CR1: variants seen among roughly 807,000 people sequenced by gnomAD.
The protein encoded by CR1 is complement receptor type 1.
CR1 carries 116 observed loss-of-function variants against 187.3 expected under a neutral mutation model. The observed-to-expected ratio is 0.62, with a 90% CI of 0.53 to 0.72. The LOEUF is 0.72. Among genes scored for constraint, CR1 ranks in the 30% least tolerant of loss-of-function variants. The pLI, the probability that CR1 is intolerant of heterozygous loss-of-function variation, is 0.00. For missense variants in CR1, 1,731 were observed against 2,110.7 expected (o/e 0.82, Z 3.52); for synonymous variants, 576 against 747.1 (o/e 0.77, Z 3.73).
At chr1:207,496,434 C>T in intron 1 of CR1, 46 bp downstream of exon 1, 1 of 1,551,104 alleles carries the variant, frequency 6.4e-7, no homozygotes, top group Non-Finnish European at 8.7e-7. Context: ...GGACGAGGAA[C>T]CCGGGGCCCC....
At chr1:207,511,013 C>A (rs897204114) in intron 3 of CR1, among the ~76,000 whole-genome samples, 2 of 151,616 alleles carry the variant, frequency 1.3e-5, no homozygotes, top group Admixed American at 1.3e-4. Context: ...GTACAGACAG[C>A]TTCTCACTAT....
intron 45 of CR1, among the ~76,000 whole-genome samples, chr1:207,629,088 G>T (rs962360568): frequency 6.6e-6 from 1 of 152,128 alleles, no homozygotes; most frequent in Admixed American, 6.5e-5. Flanking sequence ...TAGGTCATAA[G>T]ATAGGTCATG....
chr1:207,580,893 A>G (rs1270210822), intron 31 of CR1, among the ~76,000 whole-genome samples: 5 of 152,200 alleles, frequency 3.3e-5, no homozygotes, highest in African/African-American at 1.2e-4. Context: ...AAGAAGTACT[A>G]GAGGAGACTA....
At chr1:207,509,420 G>A (rs1257605335) in intron 3 of CR1, among the ~76,000 whole-genome samples, 1 of 151,360 alleles carries the variant, frequency 6.6e-6, no homozygotes, top group African/African-American at 2.4e-5. Context: ...ACAATAAGTA[G>A]CATGGATTTT....
chr1:207,575,470 G>C, intron 27 of CR1, 125 bp from the exon 28 acceptor site: 3 of 1,184,596 alleles, frequency 2.5e-6, no homozygotes, highest in Admixed American at 3.7e-5. Flanking sequence ...GAAACAATAG[G>C]TAAAGTTTAG....
chr1:207,496,212 C>G lies in CR1; in HGVS notation c.-56C>G. 1 of 1,612,952 alleles carries G rather than the reference C, an allele frequency of 6.2e-7. No homozygotes were observed. Among genetic ancestry groups the G allele is most frequent in the Non-Finnish European group, 8.5e-7 (1 of 1,179,600 alleles). ...CACTCCTATTTTCGCTGAGCTTTTC[C>G]TCTTATTTCAGTTTTCTTCGAGATC... On this transcript the variant is annotated 5_prime_UTR_variant, in exon 1 of 47. Coordinates refer to ENST00000367049, the MANE Select transcript of CR1 (RefSeq NM_000651.6).
intron 33 of CR1, among the ~76,000 whole-genome samples, chr1:207,586,383 G>A (rs1312587571): frequency 6.6e-6 from 1 of 152,140 alleles, no homozygotes; most frequent in Non-Finnish European, 1.5e-5. Flanking sequence ...CAATCCACCT[G>A]CCTTGGCCTC....
chr1:207,588,826 A>T, intron 35 of CR1, 52 bp downstream of exon 35: 1 of 1,276,670 alleles, frequency 7.8e-7, no homozygotes, highest in Non-Finnish European at 1.1e-6. Context: ...AGCAGAGCCA[A>T]CTTCTGACCC....
Position 207,523,600 on chromosome 1 carries a change from C to G in CR1, c.488-11C>G. The G allele has an allele frequency of 6.2e-7, 1 of 1,613,896 alleles. No individual in the cohort carries two copies. The highest frequency in any genetic ancestry group is 8.5e-7 in the Non-Finnish European group (1 of 1,179,888). ...ACTGACTGTTATTTATCCTGCTCTT[C>G]CTTTTTCCAGGAATTCCTTGTGGGC... On this transcript the variant is annotated splice_polypyrimidine_tract_variant and intron_variant, in intron 4 of 46. Transcript: ENST00000367049.
rs778277311 is a variant in CR1, at chr1:207,609,345, T to C, written c.5952T>C (p.Asn1984=). ...TISNGDFYSN[N]RTSFHNGTVV... ...CCAATGGAGACTTCTACAGCAACAA[T>C]AGAACATCTTTTCACAATGGAACGG... Residue 1984 remains asparagine, a synonymous_variant, in exon 37 of 47, where the codon AAT becomes AAC. Transcript: ENST00000367049. The C allele has an allele frequency of 5.6e-6, 9 of 1,613,832 alleles. No homozygotes were observed. The African/African-American group carries it at 6.7e-5, about 12-fold the overall frequency.
At chr1:207,509,936 C>A (rs957511492) in intron 3 of CR1, among the ~76,000 whole-genome samples, 1 of 152,094 alleles carries the variant, frequency 6.6e-6, no homozygotes, top group Admixed American at 6.5e-5. Flanking sequence ...AAAATAAGGC[C>A]GGGTGTGCTG....
chr1:207,589,899 A>G (rs11118133), intron 35 of CR1, among the ~76,000 whole-genome samples: 84 of 152,116 alleles, frequency 5.5e-4, no homozygotes, highest in Admixed American at 5.2e-3. Context: ...GAAATAAAGC[A>G]TGAAGACAAA....
At chr1:207,505,852 A>C (rs549290021) in intron 1 of CR1, 52 bp from the exon 2 acceptor site, 244 of 1,553,212 alleles carry the variant, frequency 1.6e-4, no homozygotes, top group Admixed American at 2.0e-4. Context: ...GAAAAAAAAA[A>C]GTATGGTAAT....
chr1:207,614,369 G>T lies in CR1; in HGVS notation c.6576-35G>T, dbSNP rs1439364689. 2.6e-6 allele frequency: 4 copies of T among 1,525,736 alleles called. No individual in the cohort carries two copies. In the South Asian group the frequency reaches 4.5e-5, roughly 17 times the overall value. The allele number at this position is 1,525,736 out of a possible 1,614,324, so 94.5% of individuals were successfully genotyped here. A position where few individuals can be genotyped will look rare whatever the true frequency, so the allele number is the denominator to read the frequency against. Reference sequence around the variant, plus strand: ...AGAAATCAAGGGAGAGATGGGAATTGCTCACACATTTGCTACCACTTTTTT... The same window carrying T: ...AGAAATCAAGGGAGAGATGGGAATTTCTCACACATTTGCTACCACTTTTTT... On this transcript the variant is annotated intron_variant, in intron 39 of 46. Coordinates refer to ENST00000367049, the MANE Select transcript of CR1 (RefSeq NM_000651.6).
chr1:207,518,316 G>A (rs1052137199), intron 4 of CR1, among the ~76,000 whole-genome samples: 39 of 152,124 alleles, frequency 2.6e-4, no homozygotes, highest in African/African-American at 7.5e-4. Context: ...GAATATGGAC[G>A]ATTTTGGTAA....
rs1443415259 is a variant in CR1, at chr1:207,525,549, C to T, written c.887-1204C>T. ...TAGCTACTCACTGAAGCCATCTATA[C>T]TGCCACTGCCTGAGCCACTTCTAGA... On this transcript the variant is annotated intron_variant, in intron 5 of 46. Coordinates refer to ENST00000367049, the MANE Select transcript of CR1 (RefSeq NM_000651.6). Among the ~76,000 whole-genome samples, 3 of 151,892 alleles carry T rather than the reference C, an allele frequency of 2.0e-5. No individual in the cohort carries two copies. In the East Asian group the frequency reaches 5.8e-4, roughly 29 times the overall value.
chr1:207,613,080 A>G (rs892843310), intron 39 of CR1, among the ~76,000 whole-genome samples: 1 of 152,166 alleles, frequency 6.6e-6, no homozygotes, highest in African/African-American at 2.4e-5. Flanking sequence ...ACAGTGTTAC[A>G]GGCTTCTTTG....
chr1:207,525,725 G>A (rs891000717), intron 5 of CR1, among the ~76,000 whole-genome samples: 1 of 152,034 alleles, frequency 6.6e-6, no homozygotes, highest in Admixed American at 6.5e-5. Context: ...GTGCAGAAGT[G>A]TGAGGCTGGG....
chr1:207,584,393 T>A (rs1661047559), intron 32 of CR1, among the ~76,000 whole-genome samples: 1 of 152,212 alleles, frequency 6.6e-6, no homozygotes, highest in Non-Finnish European at 1.5e-5. Context: ...TCTTTATTAT[T>A]CAGAAATATT....
Sources: allele counts gnomAD v4.1 joint callset (sites outside exome capture counted in the v4.1 genomes callset), GRCh38; gene constraint gnomAD v4.1.1; transcripts MANE v1.5; gene names NCBI Gene and HGNC (gene_info 2026-07-23, HGNC 2026-07-21).